Variants in NUP214 observed in about 807,000 individuals in gnomAD.
NUP214 encodes the protein nuclear pore complex protein Nup214.
Under a neutral mutation model 196.2 loss-of-function variants are expected in NUP214, and 79 were observed. That is an observed-to-expected ratio of 0.40 (90% confidence interval 0.34 to 0.49). NUP214 has a LOEUF of 0.49. NUP214 is among the 20% of genes least tolerant of loss of function. The pLI, the probability that NUP214 is intolerant of heterozygous loss-of-function variation, is 0.58. For missense variants in NUP214, 2,468 were observed against 2,539.0 expected, an observed-to-expected ratio of 0.97 and a Z score of 0.60; for synonymous variants, 1,020 against 990.5, an observed-to-expected ratio of 1.03 and a Z score of -0.56.
Position 131,197,554 on chromosome 9 carries a change from T to A in NUP214, c.4060T>A (p.Ser1354Thr), listed in dbSNP as rs199875611. The A allele has an allele frequency of 2.2e-4, 351 of 1,614,044 alleles. No homozygotes were observed. The highest frequency in any genetic ancestry group is 2.8e-4 in the Non-Finnish European group (328 of 1,180,022). Residue 1354 changes from serine to threonine, a missense_variant, in exon 29 of 36, where the codon TCC (serine) becomes ACC (threonine). Ser to Thr is a moderately conservative substitution (Grantham distance 58). Transcript: ENST00000359428. Reference sequence around the variant, plus strand: ...TACAAAACCAACCAATAAGGCTTCATCCACAAGCCTAACTAGTACCCAGCC... The same window carrying A: ...TACAAAACCAACCAATAAGGCTTCAACCACAAGCCTAACTAGTACCCAGCC... ...DSTKPTNKAS[S>T]TSLTSTQPTK...
chr9:131,189,265 T>G (rs1162570926), intron 26 of NUP214, 134 bp downstream of exon 26: 1 of 714,898 alleles, frequency 1.4e-6, no homozygotes, highest in Non-Finnish European at 2.4e-6. Context: ...TTCAGGGTAG[T>G]ATGACCATAG....
intron 17 of NUP214, among the ~76,000 whole-genome samples, chr9:131,157,482 T>TTG (rs1832491894): frequency 6.9e-6 from 1 of 144,944 alleles, no homozygotes; most frequent in African/African-American, 2.6e-5. Flanking sequence ...TTTTTTTTTT[T>TTG]GAGAGAGAGT....
Position 131,211,341 on chromosome 9 carries a change from G to A in NUP214, c.5593-3871G>A, listed in dbSNP as rs551342685. ...TTTACATTTTGTTTTCTTGAATTAG[G>A]ACCAAATAAAGGCCACACATTGAGA... On this transcript the variant is annotated intron_variant, in intron 30 of 35. Coordinates refer to ENST00000359428, the MANE Select transcript of NUP214 (RefSeq NM_005085.4). Among the ~76,000 whole-genome samples, 4 of 152,246 alleles carry A rather than the reference G, an allele frequency of 2.6e-5. No homozygotes were observed. The South Asian group carries it at 6.2e-4, about 24-fold the overall frequency.
At chr9:131,195,574 AT>A in intron 28 of NUP214, 1 of 340,010 alleles carries the variant, frequency 2.9e-6, no homozygotes, top group Non-Finnish European at 5.3e-6. Context: ...AAATTTCTCC[AT>A]TTTTTGTCTG....
chr9:131,166,730 A>G (rs753051737), intron 21 of NUP214, among the ~76,000 whole-genome samples: 7 of 151,862 alleles, frequency 4.6e-5, no homozygotes, highest in Admixed American at 1.3e-4. Context: ...GCACGATTAT[A>G]TGGGCTTATG....
intron 13 of NUP214, 43 bp from the exon 14 acceptor site, chr9:131,147,447 G>A: frequency 7.3e-7 from 1 of 1,364,898 alleles, no homozygotes; most frequent in Non-Finnish European, 1.0e-6. Context: ...AGAAATAAAG[G>A]TAATAAATGC....
intron 5 of NUP214, 88 bp downstream of exon 5, chr9:131,130,924 T>C: frequency 9.9e-7 from 1 of 1,008,662 alleles, no homozygotes. Context: ...GTTTTTCCTA[T>C]TAAAAAGTAA....
Position 131,128,214 on chromosome 9 carries a change from T to C in NUP214, c.242-118T>C, listed in dbSNP as rs113052023. ...TAAGATTTATCTGTATAACTAGGTA[T>C]TGGGGTGTATGTGTGTTTATGTAGA... is the stretch of plus-strand genomic sequence containing the variant. On this transcript the variant is annotated intron_variant, in intron 2 of 35. Coordinates refer to ENST00000359428, the MANE Select transcript of NUP214 (RefSeq NM_005085.4). 6.5e-3 allele frequency: 4,488 copies of C among 687,634 alleles called. 145 individuals carry two copies. The African/African-American group carries it at 0.073, about 11-fold the overall frequency. 42.6% of individuals were successfully genotyped at this position (687,634 alleles called of 1,614,324 possible).
intron 24 of NUP214, among the ~76,000 whole-genome samples, chr9:131,181,236 A>C (rs1332986047): frequency 6.6e-6 from 1 of 152,082 alleles, no homozygotes; most frequent in Admixed American, 6.5e-5. Context: ...TACAAGTTGA[A>C]GAGCGAGTCA....
intron 31 of NUP214, among the ~76,000 whole-genome samples, chr9:131,219,366 C>A (rs1009582286): frequency 1.3e-5 from 2 of 152,148 alleles, no homozygotes; most frequent in Non-Finnish European, 2.9e-5. Context: ...TGGAAAAGAC[C>A]CCATTATAGA....
chr9:131,198,221 A>T lies in NUP214; in HGVS notation c.4727A>T (p.Asp1576Val). Reference sequence around the variant, plus strand: ...ACCCCAGCCACCACGGGGGTCCCTGATGCCAGGACGGAGGCAGTACCACCT... The same window carrying T: ...ACCCCAGCCACCACGGGGGTCCCTGTTGCCAGGACGGAGGCAGTACCACCT... ...EATPATTGVP[D>V]ARTEAVPPAS... The change falls in exon 29 of 36, where the codon GAT becomes GTT. Residue 1576 changes from aspartate (D) to valine (V), a missense_variant. Around this residue, in one of 5 missense-constraint regions of NUP214, gnomAD observed 1,801 missense variants for 1,779.4 expected, o/e 1.01. Coordinates refer to ENST00000359428, the MANE Select transcript of NUP214 (RefSeq NM_005085.4). 3 of 1,614,210 alleles carry T rather than the reference A, an allele frequency of 1.9e-6. No individual in the cohort carries two copies. The highest frequency in any genetic ancestry group is 2.5e-6 in the Non-Finnish European group (3 of 1,180,032).
At chr9:131,152,471 A>G (rs1183136875) in intron 17 of NUP214, among the ~76,000 whole-genome samples, 1 of 151,544 alleles carries the variant, frequency 6.6e-6, no homozygotes, top group Admixed American at 6.6e-5. Context: ...TGTAAGTTGA[A>G]TTATAAATAA....
rs528695111 is a variant in NUP214, at chr9:131,187,383, CTTT to C, written c.3495+38_3495+40del. On this transcript the variant is annotated intron_variant, in intron 25 of 35. Transcript: ENST00000359428. The stretch of plus-strand genomic sequence containing the variant: ...CAAGCAGGTAACTTACTGATTTTTA[CTTT>C]TTTTTTTTTTTTTTTTTTGAGACAG... The C allele has an allele frequency of 9.5e-3, 9,853 of 1,037,052 alleles. No individual in the cohort carries two copies. Among genetic ancestry groups the C allele is most frequent in the Middle Eastern group, 0.012 (38 of 3,116 alleles). 64.2% of individuals were successfully genotyped at this position (1,037,052 alleles called of 1,614,324 possible). A position where few individuals can be genotyped will look rare whatever the true frequency, so the allele number is the denominator to read the frequency against.
At chr9:131,147,958 G>A (rs912521306) in intron 14 of NUP214, among the ~76,000 whole-genome samples, 22 of 152,188 alleles carry the variant, frequency 1.4e-4, no homozygotes, top group African/African-American at 1.4e-4. Flanking sequence ...AGGCCAAGGC[G>A]GGCGGATCAC....
chr9:131,201,401 A>G (rs1341014005), intron 29 of NUP214, among the ~76,000 whole-genome samples: 2 of 151,396 alleles, frequency 1.3e-5, no homozygotes, highest in African/African-American at 4.9e-5. Flanking sequence ...GCAAGACTCC[A>G]TCTCAAAAAA....
intron 12 of NUP214, among the ~76,000 whole-genome samples, chr9:131,145,195 C>A (rs569961110): frequency 1.3e-5 from 2 of 152,156 alleles, no homozygotes; most frequent in South Asian, 4.2e-4. Context: ...TTAGGTGATT[C>A]TTCTGCTTGA....
In NUP214 at chr9:131,164,117, A is replaced by T. The variant is rs1425920263; in HGVS notation, c.2866A>T (p.Thr956Ser). 4 of 1,614,000 alleles carry T rather than the reference A, an allele frequency of 2.5e-6. No individual in the cohort carries two copies. The highest frequency in any genetic ancestry group is 1.1e-5 in the South Asian group (1 of 91,068). The change falls in exon 21 of 36, where the codon ACC (threonine) becomes TCC (serine). Residue 956 changes from threonine (T) to serine (S), a missense_variant. Around this residue, in one of 5 missense-constraint regions of NUP214, gnomAD observed 1,801 missense variants for 1,779.4 expected, o/e 1.01. Transcript: ENST00000359428. Reference protein sequence around the residue: ...QLRNFLAKRKTPPVRSTAPAS... With the variant: ...QLRNFLAKRKSPPVRSTAPAS... ...GAGAAACTTCTTGGCCAAGAGGAAG[A>T]CCCCACCAGTGAGATCCACTGCTCC...
Position 131,140,702 on chromosome 9 carries a change from A to G in NUP214, c.1286A>G (p.Lys429Arg). Residue 429 changes from lysine (K) to arginine (R), a missense_variant, in exon 11 of 36, where the codon AAG becomes AGG. By Grantham distance (26) the Lys-to-Arg change is conservative. Coordinates refer to ENST00000359428, the MANE Select transcript of NUP214 (RefSeq NM_005085.4). ...TCATTAGAAGGAGAGCGACAGCCCA[A>G]GTCACCAGGTATGTGCCTCTGCCTG... ...RLSLEGERQP[K>R]SPGSTPTTPT... 6.2e-7 allele frequency: 1 copy of G among 1,613,404 alleles called. No homozygotes were observed. The highest frequency in any genetic ancestry group is 1.1e-5 in the South Asian group (1 of 90,886).
At position 131,222,838 on chromosome 9, in the gene NUP214, C is replaced by T. The variant is rs966497003; in HGVS notation, c.5810C>T (p.Ser1937Leu). The T allele has an allele frequency of 8.7e-6, 14 of 1,614,088 alleles. No homozygotes were observed. The highest frequency in any genetic ancestry group is 1.2e-5 in the Non-Finnish European group (14 of 1,180,046). The change falls in exon 32 of 36, where the codon TCG becomes TTG. Residue 1937 changes from serine to leucine, a missense_variant. By Grantham distance (145) the Ser-to-Leu change is moderately radical (BLOSUM62 -2). This residue lies in a region of NUP214 where 262 missense variants were observed against 296.5 expected (regional missense o/e 0.88). Transcript: ENST00000359428. ...ACATTTGGTGGATTTGCCAGCTCGTCGTTTGGAGAGCAGAAACCCACTGGC... is the reference window on the plus strand; with the variant it reads ...ACATTTGGTGGATTTGCCAGCTCGTTGTTTGGAGAGCAGAAACCCACTGGC... Reference protein sequence around the residue: ...AKTFGGFASSSFGEQKPTGTF... With the variant: ...AKTFGGFASSLFGEQKPTGTF...
Sources: gnomAD v4.1 joint callset for allele counts (sites outside exome capture counted in the v4.1 genomes callset) on GRCh38, gnomAD v4.1.1 for gene constraint, gnomAD v4.1.1 regional missense constraint, MANE v1.5 for transcripts, NCBI Gene and HGNC (gene_info 2026-07-23, HGNC 2026-07-21) for gene names.